Variants in CFAP46 observed in about 807,000 individuals in gnomAD.
CFAP46 encodes the protein cilia and flagella associated protein 46.
A neutral mutation model predicts 325.7 loss-of-function variants in CFAP46; 245 were observed. The ratio of observed to expected loss-of-function variants is 0.75; its 90% CI spans 0.68 to 0.84. The LOEUF (loss-of-function observed/expected upper bound fraction) is 0.84. Among genes scored for constraint, CFAP46 ranks in the 40% least tolerant of loss-of-function variants. The pLI is 0.00. For missense variants in CFAP46, 3,346 were observed against 3,543.0 expected (o/e 0.94, Z 1.41); for synonymous variants, 1,523 against 1,495.9 (o/e 1.02, Z -0.42).
At chr10:132,848,794 A>G (rs1442803557) in intron 41 of CFAP46, among the ~76,000 whole-genome samples, 3 of 152,050 alleles carry the variant, frequency 2.0e-5, no homozygotes, top group African/African-American at 7.2e-5. Flanking sequence ...TTTCGCTGCA[A>G]CTTCTCCCTG....
chr10:132,877,998 C>T lies in CFAP46; in HGVS notation c.4095G>A (p.Lys1365=), dbSNP rs373780342. ...CCTTCTCTTTACTCCTCTCATTCTCCTTCTCTTTTTTAGGCAATAACAGAT... is the reference window on the plus strand; with the variant it reads ...CCTTCTCTTTACTCCTCTCATTCTCTTTCTCTTTTTTAGGCAATAACAGAT... ...SSHLLLPKKE[K]ENERSKEKEK... is the part of the protein sequence containing the mutation. The change falls in exon 30 of 58, where the codon AAG becomes AAA. Residue 1365 remains lysine (K), a synonymous_variant. Transcript: ENST00000368586. The surrounding 1 kb of genome is among the most constrained non-coding windows in gnomAD (Gnocchi z 5.7). The T allele has an allele frequency of 6.4e-7, 1 of 1,550,544 alleles. No homozygotes were observed. The highest frequency in any genetic ancestry group is 8.7e-7 in the Non-Finnish European group (1 of 1,147,020).
At chr10:132,925,799 G>A (rs1849801368) in intron 10 of CFAP46, among the ~76,000 whole-genome samples, 2 of 152,242 alleles carry the variant, frequency 1.3e-5, no homozygotes, top group Middle Eastern at 3.2e-3. Flanking sequence ...TTAGGAGTGG[G>A]GATGGGGAAG....
intron 22 of CFAP46, among the ~76,000 whole-genome samples, chr10:132,906,455 C>A (rs933778568): frequency 1.3e-5 from 2 of 151,836 alleles, no homozygotes; most frequent in East Asian, 1.9e-4. Flanking sequence ...GGGGTCCTGG[C>A]GCGTGATGCC....
chr10:132,808,688 G>T lies in CFAP46; in HGVS notation c.7881C>A (p.Ile2627=), dbSNP rs2134733120. ...LPTHPHLPAP[I]PSSQLALPFL... ...AGGGGAGAGCGAGCTGGGAGCTGGG[G>T]ATGGGAGCCGGGAGGTGGGGATGGG... is the stretch of plus-strand genomic sequence containing the variant. The change falls in exon 58 of 58, where the codon ATC becomes ATA. Residue 2627 remains isoleucine (I), a synonymous_variant. Coordinates refer to ENST00000368586, the MANE Select transcript of CFAP46 (RefSeq NM_001200049.3). The surrounding 1 kb of genome is among the most constrained non-coding windows in gnomAD (Gnocchi z 6.8). The T allele has an allele frequency of 6.4e-7, 1 of 1,573,438 alleles. No individual in the cohort carries two copies. Among genetic ancestry groups the T allele is most frequent in the Non-Finnish European group, 8.6e-7 (1 of 1,159,338 alleles).
chr10:132,832,387 TG>T lies in CFAP46; in HGVS notation c.7117+970del, dbSNP rs1848160781. 8.0e-6 allele frequency among the ~76,000 whole-genome samples: 1 copy of T among 124,368 alleles called. No homozygotes were observed. Among genetic ancestry groups the T allele is most frequent in the African/African-American group, 3.4e-5 (1 of 29,016 alleles). The allele number at this position is 124,368 out of a possible 152,430, so 81.6% of individuals were successfully genotyped here. A position where few individuals can be genotyped will look rare whatever the true frequency, so the allele number is the denominator to read the frequency against. ...CTTGCGGAGACCCCTGGGCTCTTCC[TG>T]CCCCCCCCCCCCAATGCTGTGGCCT... is the stretch of plus-strand genomic sequence containing the variant. On this transcript the variant is annotated intron_variant, in intron 50 of 57. Transcript: ENST00000368586. The surrounding 1 kb of genome is among the most constrained non-coding windows in gnomAD (Gnocchi z 4.1).
At chr10:132,872,960 C>T (rs1160165874) in intron 31 of CFAP46, 136 bp from the exon 32 acceptor site, 18 of 960,056 alleles carry the variant, frequency 1.9e-5, no homozygotes, top group South Asian at 3.3e-5. Context: ...AGCGCGTGTC[C>T]GCACACAGCA....
chr10:132,882,347 T>C (rs1438919029), intron 27 of CFAP46, among the ~76,000 whole-genome samples: 1 of 150,172 alleles, frequency 6.7e-6, no homozygotes, highest in African/African-American at 2.5e-5. Context: ...ATAGGCTGTG[T>C]GGGGGTGGGA....
intron 17 of CFAP46, among the ~76,000 whole-genome samples, chr10:132,913,679 A>T (rs1849590604): frequency 6.6e-6 from 1 of 152,114 alleles, no homozygotes. Flanking sequence ...GATGGTGTCT[A>T]AGTGTGAGAC....
At position 132,835,337 on chromosome 10, in the gene CFAP46, C is replaced by T. The variant is rs1477089412; in HGVS notation, c.6711G>A (p.Val2237=). 2.5e-6 allele frequency: 4 copies of T among 1,613,584 alleles called. No homozygotes were observed. The South Asian group carries it at 4.4e-5, about 18-fold the overall frequency. The change falls in exon 47 of 58, where the codon GTG becomes GTA. Residue 2237 remains valine, a synonymous_variant. Transcript: ENST00000368586. ...QQFRKQTQAQ[V]YSEDMALNIG... ...TGTTCAGGGCCATGTCCTCACTGTA[C>T]ACCTGGGCCTGGGTCTGCTTCCGGA... is the stretch of plus-strand genomic sequence containing the variant.
At chr10:132,918,583 A>G (rs1345794283) in intron 15 of CFAP46, 63 bp from the exon 16 acceptor site, 2 of 1,470,240 alleles carry the variant, frequency 1.4e-6, no homozygotes, top group Non-Finnish European at 9.1e-7. Flanking sequence ...AAAACACAAG[A>G]ATTCCTGAAC....
chr10:132,937,921 G>A (rs1012222887), intron 5 of CFAP46, among the ~76,000 whole-genome samples: 1 of 152,346 alleles, frequency 6.6e-6, no homozygotes, highest in Admixed American at 6.5e-5. Context: ...TTCTTCAAAG[G>A]TTCCCCAAAC....
chr10:132,864,345 G>A (rs1318798665), intron 35 of CFAP46, among the ~76,000 whole-genome samples: 7 of 76,450 alleles, frequency 9.2e-5, no homozygotes, highest in Admixed American at 2.9e-4. Flanking sequence ...CCTGTCCCCA[G>A]TGCCTGAGAC....
Position 132,878,058 on chromosome 10 carries a change from A to G in CFAP46, c.4035T>C (p.Val1345=), listed in dbSNP as rs538240456. Residue 1345 remains valine (V), a synonymous_variant, in exon 30 of 58, where the codon GTT becomes GTC. Coordinates refer to ENST00000368586, the MANE Select transcript of CFAP46 (RefSeq NM_001200049.3). ...QVSLMTAGKS[V]LENRPLAATS... ...TTGCTGCCAGGGGTCTGTTTTCCAG[A>G]ACTGATTTTCCTGCTGTCATCAAAG... 1.3e-6 allele frequency: 2 copies of G among 1,549,240 alleles called. No homozygotes were observed. Among genetic ancestry groups the G allele is most frequent in the East Asian group, 4.9e-5 (2 of 40,896 alleles).
chr10:132,850,323 A>G lies in CFAP46; in HGVS notation c.5873T>C (p.Leu1958Pro), dbSNP rs1247802107. 2.6e-6 allele frequency: 4 copies of G among 1,552,476 alleles called. No individual in the cohort carries two copies. In the Admixed American group the frequency reaches 7.8e-5, roughly 30 times the overall value. ...CAGCAGGTGCAGGGCCCTCCCGGCCAGGCCCAGGAGCCGGGCGCGGATCTC... is the reference window on the plus strand; with the variant it reads ...CAGCAGGTGCAGGGCCCTCCCGGCCGGGCCCAGGAGCCGGGCGCGGATCTC... ...CVEIRARLLGLAGRALHLLAM... is the reference protein window; with the variant it reads ...CVEIRARLLGPAGRALHLLAM... The change falls in exon 41 of 58, where the codon CTG (leucine) becomes CCG (proline). Residue 1958 changes from leucine (L) to proline (P), a missense_variant. Coordinates refer to ENST00000368586, the MANE Select transcript of CFAP46 (RefSeq NM_001200049.3).
intron 50 of CFAP46, among the ~76,000 whole-genome samples, chr10:132,824,998 C>CAG (rs1848012763): frequency 8.5e-6 from 1 of 117,810 alleles, no homozygotes; most frequent in African/African-American, 3.4e-5. Flanking sequence ...GCTGTGTGTG[C>CAG]TGATGTGTGC....
At chr10:132,899,924 C>T (rs1040367753) in intron 22 of CFAP46, among the ~76,000 whole-genome samples, 5 of 152,182 alleles carry the variant, frequency 3.3e-5, no homozygotes, top group African/African-American at 1.2e-4. Flanking sequence ...GGCCTGGGTG[C>T]CGGAGACAGC....
At chr10:132,812,686 G>T (rs1352956134) in intron 55 of CFAP46, 99 bp downstream of exon 55, 11 of 821,118 alleles carry the variant, frequency 1.3e-5, no homozygotes, top group East Asian at 4.9e-5. Context: ...GCCACAGGGG[G>T]TGGGGGCAGC....
At chr10:132,851,529 C>T (rs867232229) in intron 39 of CFAP46, among the ~76,000 whole-genome samples, 1 of 152,238 alleles carries the variant, frequency 6.6e-6, no homozygotes, top group African/African-American at 2.4e-5. Context: ...CGCGTCCCCT[C>T]ATGTTCCCTC....
Position 132,872,698 on chromosome 10 carries a change from G to A in CFAP46, c.4489C>T (p.Leu1497=). The change falls in exon 32 of 58, where the codon CTG becomes TTG. Residue 1497 remains leucine (L), a synonymous_variant. Transcript: ENST00000368586. ...ISDSVVGSKG[L]SDLYHLRLAH... is the part of the protein sequence containing the mutation. The stretch of plus-strand genomic sequence containing the variant: ...CACCGAAGGTGGTAGAGATCCGACA[G>A]GCCCTTGCTTCCCACCACGGAGTCC... 1 of 1,550,646 alleles carries A rather than the reference G, an allele frequency of 6.4e-7. No individual in the cohort carries two copies. The highest frequency in any genetic ancestry group is 8.7e-7 in the Non-Finnish European group (1 of 1,147,026).
Sources: allele counts gnomAD v4.1 joint callset (sites outside exome capture counted in the v4.1 genomes callset), GRCh38; gene constraint gnomAD v4.1.1; non-coding constraint Gnocchi (gnomAD v3.1); transcripts MANE v1.5; gene names NCBI Gene and HGNC (gene_info 2026-07-23, HGNC 2026-07-21).